Variants in LDB2 observed in about 807,000 individuals in gnomAD.
LDB2 encodes the protein LIM domain binding 2, also known as LIM domain-binding protein 2.
In LDB2, 12 loss-of-function variants were observed where a neutral mutation model predicts 44.3. The observed-to-expected ratio is 0.27, with a 90% confidence interval of 0.17 to 0.44. The LOEUF is 0.44. Among genes scored for constraint, LDB2 ranks in the 20% least tolerant of loss-of-function variants. The pLI is 1.00. For missense variants in LDB2, 344 were observed against 473.5 expected, an observed-to-expected ratio of 0.73 and a Z score of 2.54; for synonymous variants, 164 against 174.8, an observed-to-expected ratio of 0.94 and a Z score of 0.49.
chr4:16,882,547 C>T (rs1021055327), intron 1 of LDB2, among the ~76,000 whole-genome samples: 1 of 152,148 alleles, frequency 6.6e-6, no homozygotes, highest in Admixed American at 6.6e-5. Flanking sequence ...TCAAGGAGGT[C>T]TCCAGAGACC....
intron 1 of LDB2, among the ~76,000 whole-genome samples, chr4:16,860,649 C>A (rs546687991): frequency 2.8e-4 from 42 of 152,344 alleles, no homozygotes; most frequent in African/African-American, 7.2e-4. Context: ...TTTCTCACAG[C>A]CAAATGCTCT....
chr4:16,737,879 T>C (rs1762225626), intron 2 of LDB2, among the ~76,000 whole-genome samples: 1 of 152,228 alleles, frequency 6.6e-6, no homozygotes, highest in African/African-American at 2.4e-5. Flanking sequence ...AACATATATA[T>C]GTCCCTTGCA....
intron 2 of LDB2, among the ~76,000 whole-genome samples, chr4:16,751,639 A>G (rs1765516000): frequency 6.6e-6 from 1 of 152,232 alleles, no homozygotes; most frequent in African/African-American, 2.4e-5. Context: ...AACTTAGGCA[A>G]TTATGCTAAT....
intron 2 of LDB2, among the ~76,000 whole-genome samples, chr4:16,614,703 T>C (rs1028113080): frequency 1.3e-5 from 2 of 151,596 alleles, no homozygotes; most frequent in South Asian, 2.1e-4. Flanking sequence ...TCAACATCAC[T>C]GATCATCAGA....
chr4:16,856,215 T>C (rs972525583), intron 1 of LDB2, among the ~76,000 whole-genome samples: 2 of 152,082 alleles, frequency 1.3e-5, no homozygotes, highest in Admixed American at 6.6e-5. Flanking sequence ...AACTTTGGAG[T>C]GCTCAAAATT....
At chr4:16,780,983 A>G (rs1773091729) in intron 1 of LDB2, among the ~76,000 whole-genome samples, 2 of 152,018 alleles carry the variant, frequency 1.3e-5, no homozygotes. Flanking sequence ...CCATGTTTTG[A>G]ATCCTTCTGG....
At chr4:16,518,076 A>G (rs1466516106) in intron 5 of LDB2, among the ~76,000 whole-genome samples, 2 of 152,224 alleles carry the variant, frequency 1.3e-5, no homozygotes, top group Non-Finnish European at 2.9e-5. Context: ...TGCACAATGC[A>G]TATGTATGTC....
intron 2 of LDB2, among the ~76,000 whole-genome samples, chr4:16,612,458 T>C (rs1725934113): frequency 6.6e-6 from 1 of 151,840 alleles, no homozygotes; most frequent in Non-Finnish European, 1.5e-5. Context: ...ACAAAACAGA[T>C]TGACCACTAA....
At chr4:16,884,303 C>A (rs548376143) in intron 1 of LDB2, among the ~76,000 whole-genome samples, 1 of 152,308 alleles carries the variant, frequency 6.6e-6, no homozygotes, top group Non-Finnish European at 1.5e-5. Context: ...CTACTGTTGT[C>A]TCATTTTGCA....
At chr4:16,537,578 A>G (rs1049066115) in intron 5 of LDB2, among the ~76,000 whole-genome samples, 1 of 152,186 alleles carries the variant, frequency 6.6e-6, no homozygotes, top group African/African-American at 2.4e-5. Flanking sequence ...ATGCTTGCCT[A>G]TCTTCTACAG....
At chr4:16,805,456 T>A (rs1444387045) in intron 1 of LDB2, among the ~76,000 whole-genome samples, 1 of 152,182 alleles carries the variant, frequency 6.6e-6, no homozygotes, top group African/African-American at 2.4e-5. Context: ...ACTTTAGAAA[T>A]GTTGTCAAAT....
At chr4:16,857,301 G>A (rs1336565440) in intron 1 of LDB2, among the ~76,000 whole-genome samples, 2 of 152,124 alleles carry the variant, frequency 1.3e-5, no homozygotes, top group African/African-American at 4.8e-5. Flanking sequence ...CACTGTCTGT[G>A]GCCATCTCTA....
intron 1 of LDB2, among the ~76,000 whole-genome samples, chr4:16,780,381 C>T (rs1314022571): frequency 6.6e-6 from 1 of 152,120 alleles, no homozygotes; most frequent in East Asian, 1.9e-4. Context: ...TGCCACCACA[C>T]CCAGCTAATT....
rs1715280714 is a variant in LDB2, at chr4:16,582,852, G to A, written c.615+3070C>T. Among the ~76,000 whole-genome samples the A allele has an allele frequency of 6.6e-6, 1 of 152,044 alleles. No homozygotes were observed. The highest frequency in any genetic ancestry group is 1.5e-5 in the Non-Finnish European group (1 of 68,024). On this transcript the variant is annotated intron_variant, in intron 5 of 7. Transcript: ENST00000304523. The surrounding 1 kb of genome is among the most constrained non-coding windows in gnomAD (Gnocchi z 4.8). ...CAGCCATCATCGTACCTCTTAGCTC[G>A]GGGCACCTCTAACCTTGTCATGCTG...
intron 1 of LDB2, among the ~76,000 whole-genome samples, chr4:16,888,062 G>A (rs1483168532): frequency 6.6e-6 from 1 of 152,202 alleles, no homozygotes; most frequent in African/African-American, 2.4e-5. Flanking sequence ...TCAATTGGAA[G>A]GGCTGTTATC....
intron 1 of LDB2, among the ~76,000 whole-genome samples, chr4:16,767,809 T>G (rs923137176): frequency 6.6e-6 from 1 of 152,208 alleles, no homozygotes; most frequent in African/African-American, 2.4e-5. Flanking sequence ...TTACAGTCCT[T>G]AGTCCTTTTG....
rs149548723 is a variant in LDB2 at position 16,832,034 on chromosome 4, G to A, written c.132+66320C>T. 2.2e-3 allele frequency among the ~76,000 whole-genome samples: 328 copies of A among 152,286 alleles called. 5 individuals carry two copies. The East Asian group carries it at 0.037, about 17-fold the overall frequency. On this transcript the variant is annotated intron_variant, in intron 1 of 7. Transcript: ENST00000304523. ...TAAAAGCCCTGGATTGTCTGAATTC[G>A]TAACAAAACTTCACAACAAAACTTT...
intron 1 of LDB2, among the ~76,000 whole-genome samples, chr4:16,817,516 G>A (rs1781171331): frequency 6.6e-6 from 1 of 152,146 alleles, no homozygotes; most frequent in South Asian, 2.1e-4. Flanking sequence ...GATTTCAAGA[G>A]ACCTGGAATG....
chr4:16,735,514 C>G (rs1049270938), intron 2 of LDB2, among the ~76,000 whole-genome samples: 2 of 151,866 alleles, frequency 1.3e-5, no homozygotes, highest in African/African-American at 4.8e-5. Context: ...GATTTAGTGA[C>G]TGGCATCCAA....
Sources: gnomAD v4.1 joint callset for allele counts (sites outside exome capture counted in the v4.1 genomes callset) on GRCh38, gnomAD v4.1.1 for gene constraint, Gnocchi (gnomAD v3.1) non-coding constraint, MANE v1.5 for transcripts, NCBI Gene and HGNC (gene_info 2026-07-23, HGNC 2026-07-21) for gene names.